Variants in CNTLN observed in about 807,000 individuals in gnomAD.
The protein encoded by CNTLN is centlein, centrosomal protein.
CNTLN carries 212 observed loss-of-function variants against 180.0 expected under a neutral mutation model. The ratio of observed to expected loss-of-function variants is 1.18; its 90% CI spans 1.05 to 1.32. The LOEUF is 1.32. Ranked by LOEUF, CNTLN falls within the 40% of genes most tolerant of loss-of-function variation. The pLI is 0.00. For synonymous variants in CNTLN, 722 were observed against 563.1 expected, an observed-to-expected ratio of 1.28 and a Z score of -3.99; for missense variants, 2,095 against 1,610.9, an observed-to-expected ratio of 1.30 and a Z score of -5.14.
At chr9:17,266,343 T>C (rs975512451) in intron 5 of CNTLN, among the ~76,000 whole-genome samples, 2 of 152,088 alleles carry the variant, frequency 1.3e-5, no homozygotes, top group Non-Finnish European at 1.5e-5. Flanking sequence ...TGTAGTTGAG[T>C]GGTTTTGAGT....
At chr9:17,471,050 G>A (rs748574545) in intron 23 of CNTLN, among the ~76,000 whole-genome samples, 1 of 151,998 alleles carries the variant, frequency 6.6e-6, no homozygotes, top group Non-Finnish European at 1.5e-5. Context: ...ACTGAAAAAG[G>A]AAATGACAGC....
intron 2 of CNTLN, among the ~76,000 whole-genome samples, chr9:17,155,373 G>A (rs201330741): frequency 1.6e-4 from 24 of 152,256 alleles, no homozygotes; most frequent in Non-Finnish European, 2.9e-4. Context: ...TGGGAGGTCC[G>A]CTGCTCTCTT....
chr9:17,353,315 G>T, intron 12 of CNTLN, among the ~76,000 whole-genome samples: 1 of 143,506 alleles, frequency 7.0e-6, no homozygotes. Flanking sequence ...TACAGTGGCT[G>T]CACAATTTTA....
chr9:17,486,810 C>T (rs559864822), intron 24 of CNTLN, among the ~76,000 whole-genome samples, 179 bp from the exon 25 acceptor site: 17 of 151,970 alleles, frequency 1.1e-4, no homozygotes, highest in Non-Finnish European at 2.4e-4. Context: ...TTCCGTAGTA[C>T]GTATCGATAA....
chr9:17,232,074 A>G (rs974368762), intron 3 of CNTLN, among the ~76,000 whole-genome samples: 25 of 152,106 alleles, frequency 1.6e-4, no homozygotes, highest in African/African-American at 5.6e-4. Context: ...GTTGAAAAAT[A>G]TTAATAAAGC....
Position 17,395,050 on chromosome 9 carries a change from G to A in CNTLN, c.2596G>A (p.Glu866Lys), listed in dbSNP as rs772385890. 2 of 1,608,742 alleles carry A rather than the reference G, an allele frequency of 1.2e-6. No homozygotes were observed. Among genetic ancestry groups the A allele is most frequent in the Non-Finnish European group, 1.7e-6 (2 of 1,176,324 alleles). ...TGAGAACCTCAGCAAGGACGGCTGGGAGGATGTGAGTGAAAGCAGGTAAGG... is the reference window on the plus strand; with the variant it reads ...TGAGAACCTCAGCAAGGACGGCTGGAAGGATGTGAGTGAAAGCAGGTAAGG... ...VFENLSKDGW[E>K]DVSESSSDSE... The change falls in exon 15 of 26, where the codon GAG (glutamate) becomes AAG (lysine). Residue 866 changes from glutamate to lysine, a missense_variant. Transcript: ENST00000380647.
intron 10 of CNTLN, among the ~76,000 whole-genome samples, chr9:17,339,834 A>G (rs1564008311): frequency 6.6e-6 from 1 of 152,162 alleles, no homozygotes; most frequent in African/African-American, 2.4e-5. Context: ...AAAAATGAAA[A>G]TTGATCTCAT....
intron 12 of CNTLN, among the ~76,000 whole-genome samples, chr9:17,364,579 A>G (rs997522908): frequency 7.6e-4 from 116 of 152,196 alleles, no homozygotes; most frequent in African/African-American, 2.6e-3. Flanking sequence ...AGTAATTTTG[A>G]TTATTCTCTT....
At chr9:17,464,692 CA>C in intron 21 of CNTLN, 69 bp downstream of exon 21, 1 of 955,500 alleles carries the variant, frequency 1.0e-6, no homozygotes, top group Non-Finnish European at 1.5e-6. Flanking sequence ...TTACCACAAA[CA>C]TTTAATCCTA....
intron 2 of CNTLN, among the ~76,000 whole-genome samples, chr9:17,149,999 CT>C (rs924321406): frequency 1.3e-5 from 2 of 151,076 alleles, no homozygotes; most frequent in African/African-American, 4.9e-5. Flanking sequence ...TTTGATGGAA[CT>C]TTTTTTTTCT....
At position 17,145,635 on chromosome 9, in the gene CNTLN, A is replaced by G. The variant is rs190541475; in HGVS notation, c.449+2259A>G. Reference sequence around the variant, plus strand: ...TACGTCCTTTGTCAGACATTTGTATAACAGGCTGAGAACATTTTTCCTTTT... The same window carrying G: ...TACGTCCTTTGTCAGACATTTGTATGACAGGCTGAGAACATTTTTCCTTTT... On this transcript the variant is annotated intron_variant, in intron 2 of 25. Coordinates refer to ENST00000380647, the MANE Select transcript of CNTLN (RefSeq NM_017738.4). Among the ~76,000 whole-genome samples, 11 of 152,310 alleles carry G rather than the reference A, an allele frequency of 7.2e-5. No homozygotes were observed. The East Asian group carries it at 1.9e-3, about 27-fold the overall frequency.
At chr9:17,174,343 G>A (rs770185293) in intron 2 of CNTLN, among the ~76,000 whole-genome samples, 10 of 152,120 alleles carry the variant, frequency 6.6e-5, no homozygotes, top group Non-Finnish European at 1.2e-4. Context: ...TTATTTATCT[G>A]GGATAAATGG....
intron 6 of CNTLN, among the ~76,000 whole-genome samples, chr9:17,297,225 A>G (rs752280165): frequency 2.0e-5 from 3 of 152,196 alleles, no homozygotes; most frequent in African/African-American, 4.8e-5. Flanking sequence ...ATTAGGTATT[A>G]TAAGTAATCT....
At chr9:17,439,356 A>G (rs1206704823) in intron 18 of CNTLN, among the ~76,000 whole-genome samples, 1 of 152,252 alleles carries the variant, frequency 6.6e-6, no homozygotes, top group Non-Finnish European at 1.5e-5. Context: ...TTTGTATCAT[A>G]TAAATAGTAT....
At chr9:17,271,604 C>G (rs1355281892) in intron 5 of CNTLN, among the ~76,000 whole-genome samples, 1 of 152,100 alleles carries the variant, frequency 6.6e-6, no homozygotes, top group Non-Finnish European at 1.5e-5. Context: ...TGTTTTCAGC[C>G]TATCTTTCTT....
chr9:17,347,748 T>C (rs1822027856), intron 12 of CNTLN, among the ~76,000 whole-genome samples: 1 of 151,998 alleles, frequency 6.6e-6, no homozygotes, highest in Non-Finnish European at 1.5e-5. Context: ...CATCATAGCT[T>C]AGCCTAGACT....
At chr9:17,198,858 C>T (rs1052966549) in intron 2 of CNTLN, among the ~76,000 whole-genome samples, 23 of 152,090 alleles carry the variant, frequency 1.5e-4, no homozygotes, top group Admixed American at 8.5e-4. Context: ...AGGACATGAA[C>T]TCATTCTTTT....
intron 18 of CNTLN, among the ~76,000 whole-genome samples, chr9:17,445,209 C>A (rs113767878): frequency 1.3e-5 from 2 of 151,998 alleles, no homozygotes; most frequent in East Asian, 1.9e-4. Flanking sequence ...TATAAATGAT[C>A]AACATGATAT....
At chr9:17,327,267 A>G (rs1380444568) in intron 8 of CNTLN, among the ~76,000 whole-genome samples, 9 of 109,924 alleles carry the variant, frequency 8.2e-5, no homozygotes, top group Non-Finnish European at 1.6e-4. Flanking sequence ...GCTGGAGGGC[A>G]GTGGCGCAAT....
Sources: allele counts gnomAD v4.1 joint callset (sites outside exome capture counted in the v4.1 genomes callset), GRCh38; gene constraint gnomAD v4.1.1; transcripts MANE v1.5; gene names NCBI Gene and HGNC (gene_info 2026-07-23, HGNC 2026-07-21).